Variants in AGAP1 observed in about 807,000 individuals in gnomAD.
The protein encoded by AGAP1 is ArfGAP with GTPase domain, ankyrin repeat and PH domain 1.
AGAP1 carries 29 observed loss-of-function variants against 105.3 expected under a neutral mutation model. The observed-to-expected ratio is 0.28, with a 90% CI of 0.21 to 0.38. The LOEUF (loss-of-function observed/expected upper bound fraction) is 0.38, where lower values mean the gene tolerates loss of function less well. Ranked by LOEUF, AGAP1 falls within the 10% of genes least tolerant of loss-of-function variation. The probability of loss-of-function intolerance (pLI) is 1.00; values close to 1 mark genes in which losing one functional copy is unlikely to be tolerated. For missense variants in AGAP1, 998 were observed against 1,165.1 expected (o/e 0.86, Z 2.09); for synonymous variants, 509 against 485.9 (o/e 1.05, Z -0.63).
intron 6 of AGAP1, among the ~76,000 whole-genome samples, chr2:235,783,754 A>G (rs1325373000): frequency 6.6e-6 from 1 of 152,110 alleles, no homozygotes; most frequent in East Asian, 1.9e-4. Context: ...GGTGGCCCAG[A>G]GGAACTCCTC....
intron 16 of AGAP1, among the ~76,000 whole-genome samples, chr2:236,103,012 C>G (rs1015016838): frequency 7.4e-6 from 1 of 134,762 alleles, no homozygotes; most frequent in African/African-American, 2.7e-5. Context: ...CTGCCCACCC[C>G]CCACCCCCAG....
Position 235,750,411 on chromosome 2 carries a change from C to T in AGAP1, c.596C>T (p.Ser199Phe), listed in dbSNP as rs1472219738. 1 of 1,614,176 alleles carries T rather than the reference C, an allele frequency of 6.2e-7. No homozygotes were observed. The highest frequency in any genetic ancestry group is 8.5e-7 in the Non-Finnish European group (1 of 1,180,032). Residue 199 changes from serine (S) to phenylalanine (F), a missense_variant, in exon 6 of 18, where the codon TCC becomes TTC. By Grantham distance (155) the Ser-to-Phe change is radical. Coordinates refer to ENST00000304032, the MANE Select transcript of AGAP1 (RefSeq NM_001037131.3). This position sits in a 1 kb window ranked among gnomAD's most constrained non-coding sequence, Gnocchi z 5.3. ...GATGACGCCAGGGCGAGGAAGCTCT[C>T]CAACGACCTGAAACGGTGCACGTAC... ...VIDDARARKL[S>F]NDLKRCTYYE... is the part of the protein sequence containing the mutation.
At position 235,969,738 on chromosome 2, in the gene AGAP1, C is replaced by G. The variant is rs149523706; in HGVS notation, c.1645+1115C>G. On this transcript the variant is annotated intron_variant, in intron 13 of 17. Transcript: ENST00000304032. The stretch of plus-strand genomic sequence containing the variant: ...AGAGTGTGGGGTGTGCTGTGTGTTT[C>G]CATAACACCGGAGGCAGGGAGCATC... Among the ~76,000 whole-genome samples, 741 of 152,236 alleles carry G rather than the reference C, an allele frequency of 4.9e-3. 3 individuals carry two copies. Among genetic ancestry groups the G allele is most frequent in the South Asian group, 8.7e-3 (42 of 4,820 alleles).
chr2:235,947,220 C>T (rs899654241), intron 12 of AGAP1, among the ~76,000 whole-genome samples: 2 of 152,050 alleles, frequency 1.3e-5, no homozygotes. Context: ...TTTTATCCCT[C>T]GCCACCGCCC....
rs76671216 is a variant in AGAP1, at chr2:235,775,721, G to A, written c.674-22038G>A. ...TTATAAATTTTCTCTGGGGACTTGCGGGGATGGAAGAGCCTTTACTTTGTC... is the reference window on the plus strand; with the variant it reads ...TTATAAATTTTCTCTGGGGACTTGCAGGGATGGAAGAGCCTTTACTTTGTC... On this transcript the variant is annotated intron_variant, in intron 6 of 17. Coordinates refer to ENST00000304032, the MANE Select transcript of AGAP1 (RefSeq NM_001037131.3). 1,133 of 152,228 alleles carry A rather than the reference G, an allele frequency of 7.4e-3. 11 individuals are homozygous for A. The highest frequency in any genetic ancestry group is 0.013 in the Non-Finnish European group (885 of 68,038). 9.4% of individuals were successfully genotyped at this position (152,228 alleles called of 1,614,324 possible).
rs760814085 is a variant in AGAP1, at chr2:235,754,854, C to T, written c.673+4366C>T. 4.6e-5 allele frequency among the ~76,000 whole-genome samples: 7 copies of T among 152,352 alleles called. No homozygotes were observed. In the East Asian group the frequency reaches 5.8e-4, roughly 13 times the overall value. On this transcript the variant is annotated intron_variant, in intron 6 of 17. Coordinates refer to ENST00000304032, the MANE Select transcript of AGAP1 (RefSeq NM_001037131.3). This position sits in a 1 kb window ranked among gnomAD's most constrained non-coding sequence, Gnocchi z 4.6. ...TCCACTAGGGAGGGTAAACATCAAA[C>T]GGTCACCCAGAAACATGACCTTGTG...
intron 10 of AGAP1, among the ~76,000 whole-genome samples, chr2:235,895,282 G>A (rs1285021750): frequency 6.6e-6 from 1 of 152,054 alleles, no homozygotes; most frequent in Non-Finnish European, 1.5e-5. Flanking sequence ...TTCCATGATG[G>A]AGAAGATCCC....
At chr2:235,898,836 G>A (rs567728508) in intron 10 of AGAP1, among the ~76,000 whole-genome samples, 1 of 152,234 alleles carries the variant, frequency 6.6e-6, no homozygotes, top group Admixed American at 6.5e-5. Context: ...CTCTGATTTC[G>A]AGGCTTATTC....
intron 9 of AGAP1, among the ~76,000 whole-genome samples, chr2:235,844,433 AT>A (rs1452394683): frequency 2.6e-5 from 4 of 152,220 alleles, no homozygotes; most frequent in Admixed American, 2.0e-4. Context: ...AGGAATTTGG[AT>A]TTGCATATAA....
At position 235,729,249 on chromosome 2, in the gene AGAP1, T is replaced by C. The variant is rs1203611738; in HGVS notation, c.310+11605T>C. On this transcript the variant is annotated intron_variant, in intron 3 of 17. Transcript: ENST00000304032. This position sits in a 1 kb window ranked among gnomAD's most constrained non-coding sequence, Gnocchi z 5.0. ...GTGCCCCTTGAGGAGCCGCATCCGCTTATTGGGCCTAAGAAAAACTGATTC... is the reference window on the plus strand; with the variant it reads ...GTGCCCCTTGAGGAGCCGCATCCGCCTATTGGGCCTAAGAAAAACTGATTC... Among the ~76,000 whole-genome samples the C allele has an allele frequency of 6.6e-6, 1 of 152,158 alleles. No individual in the cohort carries two copies. Among genetic ancestry groups the C allele is most frequent in the Non-Finnish European group, 1.5e-5 (1 of 68,040 alleles).
At chr2:235,831,606 TA>T (rs2106344292) in intron 9 of AGAP1, among the ~76,000 whole-genome samples, 1 of 152,366 alleles carries the variant, frequency 6.6e-6, no homozygotes, top group Admixed American at 6.5e-5. Context: ...AATATGCATT[TA>T]AGCTTTCTCC....
At chr2:235,972,266 A>G (rs1003639468) in intron 13 of AGAP1, among the ~76,000 whole-genome samples, 4 of 152,226 alleles carry the variant, frequency 2.6e-5, no homozygotes, top group Admixed American at 6.5e-5. Context: ...ATGGTTTTTA[A>G]TATACCCTAT....
At chr2:236,099,298 C>CA (rs1037396158) in intron 16 of AGAP1, among the ~76,000 whole-genome samples, 12 of 151,730 alleles carry the variant, frequency 7.9e-5, no homozygotes, top group African/African-American at 2.2e-4. Context: ...TAAAAAAATA[C>CA]AAAAAAATTA....
rs1350593333 is a variant in AGAP1 at position 235,720,043 on chromosome 2, T to C, written c.310+2399T>C. ...GGAATGGACTTCTACTTCCTGTTCATGTGACTGTGTGCCTCATGACAGTGG... is the reference window on the plus strand; with the variant it reads ...GGAATGGACTTCTACTTCCTGTTCACGTGACTGTGTGCCTCATGACAGTGG... On this transcript the variant is annotated intron_variant, in intron 3 of 17. Transcript: ENST00000304032. The surrounding 1 kb of genome is among the most constrained non-coding windows in gnomAD (Gnocchi z 5.0). Among the ~76,000 whole-genome samples, 1 of 152,178 alleles carries C rather than the reference T, an allele frequency of 6.6e-6. No individual in the cohort carries two copies. The highest frequency in any genetic ancestry group is 1.5e-5 in the Non-Finnish European group (1 of 68,030).
At chr2:235,853,204 C>T (rs1385165482) in intron 9 of AGAP1, 17 of 1,042,174 alleles carry the variant, frequency 1.6e-5, no homozygotes, top group Non-Finnish European at 1.7e-5. Flanking sequence ...CAAGATTGAG[C>T]GGATCTGTCT....
At chr2:235,944,698 C>A (rs1173061195) in intron 12 of AGAP1, among the ~76,000 whole-genome samples, 1 of 152,178 alleles carries the variant, frequency 6.6e-6, no homozygotes, top group Non-Finnish European at 1.5e-5. Flanking sequence ...TGTCTCTTTG[C>A]CAGAGCCTTT....
rs544081957 is a variant in AGAP1, at chr2:235,700,858, A to G, written c.164-8321A>G. On this transcript the variant is annotated intron_variant, in intron 1 of 17. Transcript: ENST00000304032. This position sits in a 1 kb window ranked among gnomAD's most constrained non-coding sequence, Gnocchi z 6.1. ...TATATATTATATATGTATATATTGT[A>G]TACTCTACATAGTATATATTTATAA... Among the ~76,000 whole-genome samples the G allele has an allele frequency of 1.5e-3, 220 of 148,032 alleles. No individual in the cohort carries two copies. The highest frequency in any genetic ancestry group is 2.4e-3 in the Non-Finnish European group (161 of 67,302).
At chr2:235,538,206 G>A (rs1292474427) in intron 1 of AGAP1, among the ~76,000 whole-genome samples, 1 of 152,134 alleles carries the variant, frequency 6.6e-6, no homozygotes, top group East Asian at 1.9e-4. Flanking sequence ...GTACAAGTTG[G>A]GTGTTACTGA....
chr2:235,909,391 C>A (rs1018155850), intron 11 of AGAP1, among the ~76,000 whole-genome samples: 1 of 152,128 alleles, frequency 6.6e-6, no homozygotes, highest in Non-Finnish European at 1.5e-5. Flanking sequence ...TCTCTGTATT[C>A]TCTTTTAAAG....
Sources: allele counts gnomAD v4.1 joint callset (sites outside exome capture counted in the v4.1 genomes callset), GRCh38; gene constraint gnomAD v4.1.1; non-coding constraint Gnocchi (gnomAD v3.1); transcripts MANE v1.5; gene names NCBI Gene and HGNC (gene_info 2026-07-23, HGNC 2026-07-21).